FOCAD: variants seen among roughly 807,000 people sequenced by gnomAD.
The protein encoded by FOCAD is KIAA1797.
In FOCAD, 198 loss-of-function variants were observed where a neutral mutation model predicts 225.6. The observed-to-expected ratio is 0.88, with a 90% CI of 0.78 to 0.99. The LOEUF is 0.99. Ranked by LOEUF, FOCAD falls within the 50% of genes least tolerant of loss-of-function variation. The probability of loss-of-function intolerance (pLI) is 0.00; values close to 1 mark genes in which losing one functional copy is unlikely to be tolerated. For synonymous variants in FOCAD, 897 were observed against 755.0 expected (o/e 1.19, Z -3.08); for missense variants, 2,713 against 2,123.6 (o/e 1.28, Z -5.46).
intron 23 of FOCAD, among the ~76,000 whole-genome samples, chr9:20,914,392 T>C (rs1252385436): frequency 2.0e-5 from 3 of 152,132 alleles, no homozygotes; most frequent in Admixed American, 6.6e-5. Context: ...TAGAAGTTGA[T>C]TCATGGAAGA....
At position 20,865,096 on chromosome 9, in the gene FOCAD, C is replaced by T. The variant is rs112207634; in HGVS notation, c.2056-830C>T. Among the ~76,000 whole-genome samples, 945 of 152,146 alleles carry T rather than the reference C, an allele frequency of 6.2e-3. 12 individuals carry two copies. The highest frequency in any genetic ancestry group is 0.022 in the African/African-American group (894 of 41,512). On this transcript the variant is annotated intron_variant, in intron 16 of 43. Transcript: ENST00000338382. ...ATACCATGTTATCAGTCCCTGCCTT[C>T]TAGAAGCTCAAAGGTAGGTAAAGGA...
intron 1 of FOCAD, among the ~76,000 whole-genome samples, chr9:20,685,443 C>T (rs574626824): frequency 6.6e-6 from 1 of 152,192 alleles, no homozygotes; most frequent in African/African-American, 2.4e-5. Flanking sequence ...TTATGTTTTA[C>T]TGTGTCAACG....
chr9:20,858,652 C>T (rs1828454982), intron 15 of FOCAD, among the ~76,000 whole-genome samples: 1 of 151,960 alleles, frequency 6.6e-6, no homozygotes, highest in Non-Finnish European at 1.5e-5. Context: ...TTGATTTGCT[C>T]TTTTCTAGTT....
intron 17 of FOCAD, among the ~76,000 whole-genome samples, chr9:20,866,459 A>G (rs137876531): frequency 1.0e-3 from 156 of 152,132 alleles, no homozygotes; most frequent in Non-Finnish European, 1.9e-3. Flanking sequence ...ATCCAAACCT[A>G]GGCCTATCAG....
chr9:20,781,614 C>A, intron 9 of FOCAD, 113 bp from the exon 10 acceptor site: 1 of 799,596 alleles, frequency 1.3e-6, no homozygotes, highest in Non-Finnish European at 2.1e-6. Context: ...ATGTGTCTGA[C>A]CCAGTTATAA....
intron 1 of FOCAD, among the ~76,000 whole-genome samples, chr9:20,712,741 T>C (rs1342159525): frequency 1.4e-5 from 2 of 144,178 alleles, no homozygotes; most frequent in Non-Finnish European, 3.1e-5. Flanking sequence ...TTTTTTTTTT[T>C]TTTTTTTTTT....
chr9:20,698,795 T>C (rs1410985595), intron 1 of FOCAD, among the ~76,000 whole-genome samples: 1 of 152,254 alleles, frequency 6.6e-6, no homozygotes, highest in Non-Finnish European at 1.5e-5. Context: ...TACTGATCAA[T>C]ATTTTATCTG....
At chr9:20,918,075 A>T (rs1834020282) in intron 24 of FOCAD, among the ~76,000 whole-genome samples, 1 of 152,204 alleles carries the variant, frequency 6.6e-6, no homozygotes, top group African/African-American at 2.4e-5. Flanking sequence ...ATAGTGGGAG[A>T]GGGCTCAGTT....
intron 35 of FOCAD, among the ~76,000 whole-genome samples, chr9:20,963,344 A>G (rs950402213): frequency 6.6e-6 from 1 of 152,180 alleles, no homozygotes; most frequent in Non-Finnish European, 1.5e-5. Flanking sequence ...TTGTCCTGTC[A>G]AAGGAGAGCT....
intron 15 of FOCAD, among the ~76,000 whole-genome samples, chr9:20,848,131 T>C (rs1041218772): frequency 1.3e-5 from 2 of 151,778 alleles, no homozygotes; most frequent in Non-Finnish European, 2.9e-5. Flanking sequence ...TTTTACATGG[T>C]ATGGAATCCT....
At chr9:20,874,628 T>C in intron 18 of FOCAD, 53 bp from the exon 19 acceptor site, 1 of 1,566,688 alleles carries the variant, frequency 6.4e-7, no homozygotes, top group South Asian at 1.2e-5. Flanking sequence ...GAAAAGATTT[T>C]GCATAATGTT....
chr9:20,913,147 C>CAT (rs1554723023), intron 23 of FOCAD, among the ~76,000 whole-genome samples, 193 bp downstream of exon 23: 1 of 40,440 alleles, frequency 2.5e-5, no homozygotes, highest in East Asian at 3.6e-4. Context: ...ATTATACATA[C>CAT]ACACACACAC....
intron 35 of FOCAD, among the ~76,000 whole-genome samples, chr9:20,961,325 A>T (rs1383082541): frequency 6.6e-6 from 1 of 152,084 alleles, no homozygotes; most frequent in East Asian, 1.9e-4. Context: ...ATTAAATTTG[A>T]CCAATAAGAA....
In FOCAD at chr9:20,948,731, G is replaced by T. The variant is rs1837417704; in HGVS notation, c.3799-120G>T. On this transcript the variant is annotated intron_variant, in intron 31 of 43. Transcript: ENST00000338382. ...TTTTTGGTTCAGTTATACAGGTTAC[G>T]TTGACCCTATAAGTTTGGTACCAAT... The T allele has an allele frequency of 4.7e-6, 5 of 1,060,312 alleles. No homozygotes were observed. The South Asian group carries it at 7.2e-5, about 15-fold the overall frequency. The allele number at this position is 1,060,312 out of a possible 1,614,324, so 65.7% of individuals were successfully genotyped here.
intron 6 of FOCAD, 65 bp downstream of exon 6, chr9:20,758,256 C>T: frequency 8.5e-7 from 1 of 1,170,426 alleles, no homozygotes; most frequent in Non-Finnish European, 1.2e-6. Flanking sequence ...AATTTTAGAG[C>T]TAGGGTTTTT....
chr9:20,971,844 A>G (rs2132546864), intron 35 of FOCAD, among the ~76,000 whole-genome samples: 1 of 152,232 alleles, frequency 6.6e-6, no homozygotes, highest in East Asian at 1.9e-4. Context: ...ACATAAATGG[A>G]ATCATACATT....
intron 24 of FOCAD, among the ~76,000 whole-genome samples, chr9:20,921,541 T>C (rs1173581904): frequency 6.6e-6 from 1 of 152,186 alleles, no homozygotes; most frequent in Admixed American, 6.5e-5. Flanking sequence ...CCATAAGTCA[T>C]TGTGGCAGGC....
At chr9:20,993,936 G>C in intron 43 of FOCAD, among the ~76,000 whole-genome samples, 1 of 152,140 alleles carries the variant, frequency 6.6e-6, no homozygotes, top group South Asian at 2.1e-4. Context: ...GCAGCAAAGA[G>C]AAATCCAGAG....
At chr9:20,733,591 G>A (rs1391815451) in intron 4 of FOCAD, among the ~76,000 whole-genome samples, 1 of 152,092 alleles carries the variant, frequency 6.6e-6, no homozygotes, top group Non-Finnish European at 1.5e-5. Context: ...CCATCTATGA[G>A]TGAGAACATG....
Sources: gnomAD v4.1 joint callset for allele counts (sites outside exome capture counted in the v4.1 genomes callset) on GRCh38, gnomAD v4.1.1 for gene constraint, MANE v1.5 for transcripts, NCBI Gene and HGNC (gene_info 2026-07-23, HGNC 2026-07-21) for gene names.